The following KDM5D variants were observed in gnomAD, a reference collection of about 807,000 sequenced individuals.
KDM5D encodes lysine-specific demethylase 5D.
Under a neutral mutation model 31.9 loss-of-function variants are expected in KDM5D, and 25 were observed. The observed-to-expected ratio is 0.78, with a 90% CI of 0.57 to 1.09. The LOEUF (loss-of-function observed/expected upper bound fraction) is 1.09. Among genes scored for constraint, KDM5D ranks in the 50% least tolerant of loss-of-function variants. KDM5D has a pLI of 0.00. For missense variants in KDM5D, 366 were observed against 341.6 expected (o/e 1.07, Z -0.56); for synonymous variants, 146 against 122.3 (o/e 1.19, Z -1.28).
In KDM5D at chrY:19,732,620, G is replaced by A; in HGVS notation, c.1056C>T (p.Pro352=). The A allele has an allele frequency of 7.7e-6, 3 of 389,962 alleles. No homozygotes were observed. The highest frequency in any genetic ancestry group is 1.1e-5 in the Non-Finnish European group (3 of 279,732). Residue 352 remains proline (P), a synonymous_variant, in exon 9 of 27, where the codon CCC becomes CCT. Transcript: ENST00000317961. ...ATTTTGGGCACCTCCAGATGCCTCT[G>A]GGGATTTCAGGAAGGGGTGGTAACA... ...FCLLPPLPEI[P]RGIWRCPKCI...
chrY:19,729,538 C>T, intron 11 of KDM5D, among the ~76,000 whole-genome samples: 2 of 33,310 alleles, frequency 6.0e-5, no homozygotes, highest in Admixed American at 5.4e-4. Flanking sequence ...CTAGCAGGAA[C>T]GGGACTGAGG....
At chrY:19,744,057 C>T (rs1283619816) in intron 2 of KDM5D, among the ~76,000 whole-genome samples, 1 of 33,950 alleles carries the variant, frequency 2.9e-5, no homozygotes, top group Non-Finnish European at 7.3e-5. Context: ...TGTCATAGAT[C>T]AAGTACTTCT....
chrY:19,710,551 A>G, intron 18 of KDM5D, 79 bp from the exon 19 acceptor site: 2 of 211,777 alleles, frequency 9.4e-6, no homozygotes, highest in South Asian at 3.7e-5. Context: ...CTTCCCTTTC[A>G]TATTTCAGTA....
intron 11 of KDM5D, chrY:19,723,435 T>TA (rs752553254): frequency 1.3e-5 from 1 of 79,716 alleles, no homozygotes; most frequent in Non-Finnish European, 2.5e-5. Context: ...ACTTTGTCTC[T>TA]AAAAAAAAAA....
chrY:19,709,111 A>G, intron 20 of KDM5D, 98 bp from the exon 21 acceptor site: 2 of 222,489 alleles, frequency 9.0e-6, no homozygotes, highest in South Asian at 4.4e-5. Context: ...AACATAAGCA[A>G]TAAAAAGTGT....
intron 13 of KDM5D, among the ~76,000 whole-genome samples, chrY:19,716,972 C>G: frequency 3.0e-5 from 1 of 33,290 alleles, no homozygotes; most frequent in African/African-American, 1.2e-4. Flanking sequence ...CTTCTATAAT[C>G]AAAGAAATGC....
At chrY:19,709,093 T>C in intron 20 of KDM5D, 80 bp from the exon 21 acceptor site, 2 of 259,067 alleles carry the variant, frequency 7.7e-6, no homozygotes, top group Non-Finnish European at 1.2e-5. Flanking sequence ...CTAGGTTTCC[T>C]TGCTAAAAAC....
chrY:19,716,171 A>T, intron 15 of KDM5D, 108 bp downstream of exon 15: 1 of 251,970 alleles, frequency 4.0e-6, no homozygotes, highest in African/African-American at 7.6e-5. Context: ...TACATTTCAA[A>T]ATGCATGACT....
chrY:19,708,545 T>G, intron 21 of KDM5D, 122 bp from the exon 22 acceptor site: 1 of 175,287 alleles, frequency 5.7e-6, no homozygotes, highest in Non-Finnish European at 9.9e-6. Context: ...AGATGTTTTC[T>G]GCAACAGAAA....
intron 2 of KDM5D, among the ~76,000 whole-genome samples, chrY:19,743,446 A>G: frequency 3.8e-5 from 1 of 26,541 alleles, no homozygotes; most frequent in African/African-American, 1.5e-4. Context: ...ACTCTCCTTG[A>G]TATGTGTCCT....
Position 19,709,813 on chromosome Y carries a change from C to A in KDM5D, c.2584-4G>T. The A allele has an allele frequency of 2.5e-6, 1 of 397,606 alleles. No individual in the cohort carries two copies. Among genetic ancestry groups the A allele is most frequent in the Non-Finnish European group, 3.5e-6 (1 of 282,998 alleles). ...CCTCCACCTGTTCCAGGACATCCTGCAAGGACATAGGATAAAATGCAGATT... is the reference window on the plus strand; with the variant it reads ...CCTCCACCTGTTCCAGGACATCCTGAAAGGACATAGGATAAAATGCAGATT... On this transcript the variant is annotated splice_polypyrimidine_tract_variant and splice_region_variant and intron_variant, in intron 19 of 26. Coordinates refer to ENST00000317961, the MANE Select transcript of KDM5D (RefSeq NM_004653.5).
chrY:19,714,513 C>T, intron 18 of KDM5D, among the ~76,000 whole-genome samples: 1 of 33,625 alleles, frequency 3.0e-5, no homozygotes, highest in East Asian at 7.7e-4. Context: ...ATGGTAAGTG[C>T]CCCATATTTT....
At chrY:19,719,500 A>T (rs2045377701) in intron 13 of KDM5D, among the ~76,000 whole-genome samples, 1 of 33,804 alleles carries the variant, frequency 3.0e-5, no homozygotes, top group Non-Finnish European at 7.3e-5. Context: ...TGTCAATTGA[A>T]ATAAATCAGC....
chrY:19,738,791 T>G, intron 6 of KDM5D, among the ~76,000 whole-genome samples: 1 of 33,719 alleles, frequency 3.0e-5, no homozygotes, highest in African/African-American at 1.2e-4. Flanking sequence ...AAAGTTCCTC[T>G]GCTTTAATTC....
chrY:19,705,508 T>C lies in KDM5D; in HGVS notation c.*487A>G, dbSNP rs2045221038. On this transcript the variant is annotated 3_prime_UTR_variant, in exon 27 of 27. Transcript: ENST00000317961. ...GGTAGAGTCATGAAATTCTTGTTTTTCCCTATTCTTTTTGGTAATTACAAC... is the reference window on the plus strand; with the variant it reads ...GGTAGAGTCATGAAATTCTTGTTTTCCCCTATTCTTTTTGGTAATTACAAC... 2.9e-5 allele frequency: 1 copy of C among 34,597 alleles called. No individual in the cohort carries two copies. The highest frequency in any genetic ancestry group is 7.1e-5 in the Non-Finnish European group (1 of 14,109). 8.6% of individuals were successfully genotyped at this position (34,597 alleles called of 400,897 possible). A position where few individuals can be genotyped will look rare whatever the true frequency, so the allele number is the denominator to read the frequency against.
intron 11 of KDM5D, among the ~76,000 whole-genome samples, chrY:19,730,319 G>A (rs2045463713): frequency 3.0e-5 from 1 of 32,923 alleles, no homozygotes; most frequent in Non-Finnish European, 7.5e-5. Context: ...AAAGAGGGAG[G>A]TATGACTTGC....
Position 19,706,868 on chromosome Y carries a change from C to T in KDM5D, c.4000-5G>A, listed in dbSNP as rs758595990. 1.0e-5 allele frequency: 4 copies of T among 388,920 alleles called. No individual in the cohort carries two copies. The highest frequency in any genetic ancestry group is 3.0e-5 in the South Asian group (1 of 33,286). ...ATTCTCCAGCAGCCCTTGGACCTAT[C>T]GGAAAAAAAGAATGGGTAACAATAA... is the stretch of plus-strand genomic sequence containing the variant. On this transcript the variant is annotated splice_polypyrimidine_tract_variant and splice_region_variant and intron_variant, in intron 24 of 26. Transcript: ENST00000317961.
intron 18 of KDM5D, among the ~76,000 whole-genome samples, chrY:19,714,978 TAAG>T (rs2045324202): frequency 2.9e-5 from 1 of 34,142 alleles, no homozygotes; most frequent in Non-Finnish European, 7.3e-5. Context: ...TGAGATTTCC[TAAG>T]AAGTAGGAAA....
At chrY:19,741,271 A>G in intron 5 of KDM5D, 47 bp downstream of exon 5, 2 of 345,531 alleles carry the variant, frequency 5.8e-6, no homozygotes, top group South Asian at 3.3e-5. Context: ...AAAATACAAA[A>G]GAAAACAAAA....
Sources: gnomAD v4.1 joint callset for allele counts (sites outside exome capture counted in the v4.1 genomes callset) on GRCh38, gnomAD v4.1.1 for gene constraint, MANE v1.5 for transcripts, NCBI Gene and HGNC (gene_info 2026-07-23, HGNC 2026-07-21) for gene names.